MAMSTR: variants seen among roughly 807,000 people sequenced by gnomAD.
MAMSTR encodes MEF2 activating motif and SAP domain containing transcriptional regulator, also known as MEF2-activating motif and SAP domain-containing transcriptional regulator.
In MAMSTR, 41 loss-of-function variants were observed where a neutral mutation model predicts 42.7. That is an observed-to-expected ratio of 0.96 (90% confidence interval 0.75 to 1.25). MAMSTR has a LOEUF of 1.25. MAMSTR is among the 50% of genes most tolerant of loss of function. The probability of loss-of-function intolerance (pLI) is 0.00; values close to 1 mark genes in which losing one functional copy is unlikely to be tolerated. For synonymous variants in MAMSTR, 265 were observed against 244.1 expected (o/e 1.09, Z -0.80); for missense variants, 567 against 557.6 (o/e 1.02, Z -0.17).
downstream of MAMSTR, among the ~76,000 whole-genome samples, chr19:48,709,076 G>A (rs1239848258): frequency 1.3e-5 from 2 of 151,990 alleles, no homozygotes; most frequent in Non-Finnish European, 2.9e-5. Flanking sequence ...GAGCACTTGG[G>A]GTCAGGAGTT....
At position 48,712,914 on chromosome 19, in the gene MAMSTR, G is replaced by A. The variant is rs370069658; in HGVS notation, c.*353C>T. On this transcript the variant is annotated 3_prime_UTR_variant, in exon 10 of 10. Coordinates refer to ENST00000318083, the MANE Select transcript of MAMSTR (RefSeq NM_001130915.2). The stretch of plus-strand genomic sequence containing the variant: ...TCTTGCTCCTCTCCTGCATCCAAAA[G>A]GCATAACCACCTTCCAGGCTCCCCA... 238 of 203,212 alleles carry A rather than the reference G, an allele frequency of 1.2e-3. 1 individual carries two copies. Among genetic ancestry groups the A allele is most frequent in the African/African-American group, 5.4e-3 (232 of 43,108 alleles). The allele number at this position is 203,212 out of a possible 1,614,324, so 12.6% of individuals were successfully genotyped here. A position where few individuals can be genotyped will look rare whatever the true frequency, so the allele number is the denominator to read the frequency against.
At chr19:48,707,541 G>A in the MAMSTR span, among the ~76,000 whole-genome samples, 1 of 151,210 alleles carries the variant, frequency 6.6e-6, no homozygotes, top group African/African-American at 2.4e-5. Context: ...AGGAGTTTGA[G>A]ACCAGCCTGG....
chr19:48,714,450 C>G lies in MAMSTR; in HGVS notation c.639G>C (p.Lys213Asn). 7.4e-7 allele frequency: 1 copy of G among 1,360,056 alleles called. No individual in the cohort carries two copies. Among genetic ancestry groups the G allele is most frequent in the Non-Finnish European group, 9.4e-7 (1 of 1,067,690 alleles). The allele number at this position is 1,360,056 out of a possible 1,614,324, so 84.2% of individuals were successfully genotyped here. Residue 213 changes from lysine (K) to asparagine (N), a missense_variant, in exon 7 of 10, where the codon AAG becomes AAC. Physicochemically the swap from Lys to Asn is moderately conservative, Grantham distance 94. Transcript: ENST00000318083. ...RGGAPPRERP[K>N]PRREDSPAGA... is the part of the protein sequence containing the mutation. Reference sequence around the variant, plus strand: ...CCGCGGGACTGTCCTCGCGCCGCGGCTTCGGCCGCTCGCGGGGCGGCGCGC... The same window carrying G: ...CCGCGGGACTGTCCTCGCGCCGCGGGTTCGGCCGCTCGCGGGGCGGCGCGC...
At chr19:48,718,135 G>A (rs1219644286) in intron 2 of MAMSTR, among the ~76,000 whole-genome samples, 1 of 152,114 alleles carries the variant, frequency 6.6e-6, no homozygotes, top group Non-Finnish European at 1.5e-5. Flanking sequence ...GAGCCACCGC[G>A]CCCCACCTGG....
downstream of MAMSTR, among the ~76,000 whole-genome samples, chr19:48,710,684 C>T (rs112550119): frequency 0.016 from 2,398 of 150,516 alleles, 56 homozygotes; most frequent in African/African-American, 0.055. Flanking sequence ...GCAACCTCCA[C>T]CTCCCAGATT....
chr19:48,718,003 C>T (rs2033111164), intron 2 of MAMSTR, among the ~76,000 whole-genome samples: 1 of 152,180 alleles, frequency 6.6e-6, no homozygotes, highest in African/African-American at 2.4e-5. Flanking sequence ...CCTTGCCCGG[C>T]GTCATTTTTT....
At chr19:48,715,840 A>C (rs1225246753) in intron 3 of MAMSTR, 73 bp from the exon 4 acceptor site, 1 of 1,491,582 alleles carries the variant, frequency 6.7e-7, no homozygotes, top group South Asian at 1.3e-5. Flanking sequence ...GGCTGTGTGG[A>C]AAGCGGGGCT....
At chr19:48,714,967 C>G in intron 5 of MAMSTR, 59 bp from the exon 6 acceptor site, 1 of 1,134,362 alleles carries the variant, frequency 8.8e-7, no homozygotes, top group Non-Finnish European at 1.3e-6. Context: ...AAAAGGCGTT[C>G]TGGGGTCCTC....
At chr19:48,716,674 C>A in intron 3 of MAMSTR, 31 bp downstream of exon 3, 10 of 1,330,080 alleles carry the variant, frequency 7.5e-6, no homozygotes, top group Non-Finnish European at 9.7e-6. Context: ...TGGGGGGTCA[C>A]CATCCCCTCC....
At chr19:48,710,877 G>A (rs1017398589), downstream of MAMSTR, among the ~76,000 whole-genome samples, 3 of 152,068 alleles carry the variant, frequency 2.0e-5, no homozygotes, top group Admixed American at 6.6e-5. Flanking sequence ...ATGAGCCACC[G>A]CGCCCGGCCA....
At chr19:48,711,822 T>C (rs890220363), downstream of MAMSTR, among the ~76,000 whole-genome samples, 2 of 139,300 alleles carry the variant, frequency 1.4e-5, no homozygotes, top group African/African-American at 5.2e-5. Flanking sequence ...CTCAGATCAC[T>C]GCAAGCTCCG....
At chr19:48,710,112 C>T (rs1408071355), downstream of MAMSTR, among the ~76,000 whole-genome samples, 2 of 151,138 alleles carry the variant, frequency 1.3e-5, no homozygotes, top group Admixed American at 1.3e-4. Flanking sequence ...CTGCCTCGGA[C>T]TCCCAAAGTG....
Position 48,715,668 on chromosome 19 carries a change from AGCAGGACCCCAGG to A in MAMSTR, c.184_196del (p.Pro62SerfsTer33). 1 of 1,543,582 alleles carries A rather than the reference AGCAGGACCCCAGG, an allele frequency of 6.5e-7. No individual in the cohort carries two copies. The highest frequency in any genetic ancestry group is 8.7e-7 in the Non-Finnish European group (1 of 1,144,998). The stretch of plus-strand genomic sequence containing the variant: ...AGGAGGACAATATTCTGGCTCGGGG[AGCAGGACCCCAGG>A]GCTGAAGAGGAAAGGGGCCGTGCCC... On this transcript the variant is annotated frameshift_variant, in exon 4 of 10. Transcript: ENST00000318083. LOFTEE classifies it high-confidence loss of function.
Position 48,713,004 on chromosome 19 carries a change from A to C in MAMSTR, c.*263T>G. 2.4e-6 allele frequency: 1 copy of C among 424,800 alleles called. No individual in the cohort carries two copies. The highest frequency in any genetic ancestry group is 4.2e-6 in the Non-Finnish European group (1 of 239,854). 26.3% of individuals were successfully genotyped at this position (424,800 alleles called of 1,614,324 possible). ...GAACATCCATGAGGTCTCTGAAGGA[A>C]GCAGCAAGCAGCTTGTTTGCCGTGG... On this transcript the variant is annotated 3_prime_UTR_variant, in exon 10 of 10. Coordinates refer to ENST00000318083, the MANE Select transcript of MAMSTR (RefSeq NM_001130915.2).
chr19:48,715,205 G>A, intron 5 of MAMSTR, 57 bp downstream of exon 5: 1 of 1,464,382 alleles, frequency 6.8e-7, no homozygotes, highest in Non-Finnish European at 9.3e-7. Context: ...GTTTGAGGGA[G>A]GAGGATGCTG....
At chr19:48,715,859 C>A (rs1011590897) in intron 3 of MAMSTR, 92 bp from the exon 4 acceptor site, 1 of 1,480,988 alleles carries the variant, frequency 6.8e-7, no homozygotes, top group African/African-American at 1.5e-5. Context: ...CTCCAGGGTG[C>A]CGGAGGGCAG....
intron 4 of MAMSTR, 70 bp from the exon 5 acceptor site, chr19:48,715,516 A>G (rs1372279163): frequency 1.4e-6 from 2 of 1,463,926 alleles, no homozygotes; most frequent in African/African-American, 2.9e-5. Flanking sequence ...ACTACATGCA[A>G]AGTATGGGGT....
At chr19:48,713,829 C>T in intron 8 of MAMSTR, 31 bp downstream of exon 8, 1 of 1,614,182 alleles carries the variant, frequency 6.2e-7, no homozygotes, top group African/African-American at 1.3e-5. Flanking sequence ...GACTGGAGAA[C>T]CCTAGCCGGA....
chr19:48,714,336 T>TC (rs1209368300), intron 7 of MAMSTR, 30 bp downstream of exon 7: 1 of 1,353,412 alleles, frequency 7.4e-7, no homozygotes, highest in Non-Finnish European at 9.5e-7. Flanking sequence ...TTCTCTTCAT[T>TC]GGTCCGCAAG....
Sources: gnomAD v4.1 joint callset for allele counts (sites outside exome capture counted in the v4.1 genomes callset) on GRCh38, gnomAD v4.1.1 for gene constraint, MANE v1.5 for transcripts, NCBI Gene and HGNC (gene_info 2026-07-23, HGNC 2026-07-21) for gene names.